The following NELL2 variants were observed in gnomAD, a reference collection of about 807,000 sequenced individuals.
The protein encoded by NELL2 is protein kinase C-binding protein NELL2.
NELL2 carries 41 observed loss-of-function variants against 109.6 expected under a neutral mutation model. That is an observed-to-expected ratio of 0.37 (90% CI 0.29 to 0.49). The LOEUF (loss-of-function observed/expected upper bound fraction) is 0.49. Among genes scored for constraint, NELL2 ranks in the 20% least tolerant of loss-of-function variants. The probability of loss-of-function intolerance (pLI) is 0.98; values close to 1 mark genes in which losing one functional copy is unlikely to be tolerated. For synonymous variants in NELL2, 355 were observed against 344.7 expected, an observed-to-expected ratio of 1.03 and a Z score of -0.33; for missense variants, 900 against 1,008.3, an observed-to-expected ratio of 0.89 and a Z score of 1.45.
chr12:44,634,719 CT>C (rs1160162584), intron 13 of NELL2, among the ~76,000 whole-genome samples: 2 of 152,188 alleles, frequency 1.3e-5, no homozygotes, highest in Non-Finnish European at 2.9e-5. Context: ...AATAGTATTT[CT>C]GGTTCTAGAT....
chr12:44,551,215 A>C (rs1413403992), intron 15 of NELL2, among the ~76,000 whole-genome samples: 1 of 152,140 alleles, frequency 6.6e-6, no homozygotes, highest in East Asian at 1.9e-4. Flanking sequence ...TATTCCCCTA[A>C]TTCAATACTA....
intron 12 of NELL2, among the ~76,000 whole-genome samples, chr12:44,667,791 A>T (rs1947977166): frequency 6.6e-6 from 1 of 152,162 alleles, no homozygotes; most frequent in Non-Finnish European, 1.5e-5. Context: ...AGCCAGGAGG[A>T]ACTATCTATT....
intron 15 of NELL2, among the ~76,000 whole-genome samples, chr12:44,560,590 T>C (rs917809121): frequency 2.6e-5 from 4 of 152,072 alleles, no homozygotes; most frequent in Non-Finnish European, 5.9e-5. Flanking sequence ...AAGAAATGGA[T>C]AAATTCCTGC....
At chr12:44,636,424 A>C (rs1016368991) in intron 13 of NELL2, among the ~76,000 whole-genome samples, 3 of 152,198 alleles carry the variant, frequency 2.0e-5, no homozygotes, top group Admixed American at 6.5e-5. Flanking sequence ...TGAGTCTGTC[A>C]TAAATAGCTC....
chr12:44,808,140 G>A (rs1943064819), intron 3 of NELL2, among the ~76,000 whole-genome samples: 1 of 152,072 alleles, frequency 6.6e-6, no homozygotes, highest in Non-Finnish European at 1.5e-5. Context: ...TGCGGCAGCA[G>A]CAGTCAACTG....
At chr12:44,581,995 A>G (rs1489306905) in intron 15 of NELL2, among the ~76,000 whole-genome samples, 1 of 152,186 alleles carries the variant, frequency 6.6e-6, no homozygotes. Flanking sequence ...AGGGATGTGG[A>G]AAAGGAATTA....
chr12:44,613,609 A>G (rs1029766594), intron 13 of NELL2, among the ~76,000 whole-genome samples: 2 of 152,234 alleles, frequency 1.3e-5, no homozygotes, highest in East Asian at 3.9e-4. Flanking sequence ...CCTTTACACT[A>G]TCACTTTAAA....
chr12:44,722,152 G>A (rs1202147316), intron 9 of NELL2, among the ~76,000 whole-genome samples: 4 of 151,970 alleles, frequency 2.6e-5, no homozygotes, highest in African/African-American at 7.2e-5. Flanking sequence ...CATGGGGCAA[G>A]AATGGTAACA....
At chr12:44,649,261 G>A (rs993177238) in intron 13 of NELL2, among the ~76,000 whole-genome samples, 3 of 150,938 alleles carry the variant, frequency 2.0e-5, no homozygotes, top group Admixed American at 6.6e-5. Context: ...GCCTGCCTTG[G>A]TAATCCAGCG....
chr12:44,523,422 C>T lies in NELL2; in HGVS notation c.1867G>A (p.Asp623Asn), dbSNP rs1388537701. The change falls in exon 17 of 20, where the codon GAT (aspartate) becomes AAT (asparagine). Residue 623 changes from aspartate (D) to asparagine (N), a missense_variant. Transcript: ENST00000429094. Reference sequence around the variant, plus strand: ...GGACATCGACAATCATATCCGCCATCCAAATTGAAGCAAATGGTATCATTG... The same window carrying T: ...GGACATCGACAATCATATCCGCCATTCAAATTGAAGCAAATGGTATCATTG... ...CANDTICFNLDGGYDCRCPHG... is the reference protein window; with the variant it reads ...CANDTICFNLNGGYDCRCPHG... The T allele has an allele frequency of 6.2e-7, 1 of 1,614,006 alleles. No homozygotes were observed. Among genetic ancestry groups the T allele is most frequent in the African/African-American group, 1.3e-5 (1 of 74,906 alleles).
At chr12:44,614,786 C>T (rs1158295083) in intron 13 of NELL2, among the ~76,000 whole-genome samples, 1 of 151,998 alleles carries the variant, frequency 6.6e-6, no homozygotes, top group Admixed American at 6.6e-5. Flanking sequence ...TACCTAGAAA[C>T]AAACCAGCTG....
At chr12:44,915,360 GCTTT>G (rs1286186739), upstream of NELL2, among the ~76,000 whole-genome samples, 1 of 152,046 alleles carries the variant, frequency 6.6e-6, no homozygotes, top group Non-Finnish European at 1.5e-5. Flanking sequence ...ATTTTTCATT[GCTTT>G]CTAATTGAAT....
intron 15 of NELL2, among the ~76,000 whole-genome samples, chr12:44,586,255 G>A (rs1944496064): frequency 6.8e-6 from 1 of 148,090 alleles, no homozygotes; most frequent in Non-Finnish European, 1.5e-5. Flanking sequence ...TAGTGAGTGG[G>A]GATAGAAGCA....
intron 12 of NELL2, among the ~76,000 whole-genome samples, chr12:44,668,805 C>T (rs939383341): frequency 6.6e-6 from 1 of 152,112 alleles, no homozygotes; most frequent in Non-Finnish European, 1.5e-5. Context: ...GGCTCAGAGA[C>T]CTGAGGGTTG....
At chr12:44,748,204 G>T (rs2136520104) in intron 9 of NELL2, among the ~76,000 whole-genome samples, 1 of 152,202 alleles carries the variant, frequency 6.6e-6, no homozygotes, top group South Asian at 2.1e-4. Flanking sequence ...TCTAATTTAA[G>T]AATATAAATA....
chr12:44,814,190 G>A (rs943657842), intron 3 of NELL2, among the ~76,000 whole-genome samples: 3 of 152,110 alleles, frequency 2.0e-5, no homozygotes, highest in African/African-American at 4.8e-5. Context: ...ACAGAGACAG[G>A]AGCAGTAAGA....
chr12:44,883,181 A>G (rs1432939022), intron 1 of NELL2, among the ~76,000 whole-genome samples: 1 of 151,870 alleles, frequency 6.6e-6, no homozygotes, highest in African/African-American at 2.4e-5. Context: ...TCCAAAGGCC[A>G]TAAGCCTGAC....
In NELL2 at chr12:44,508,881, C is replaced by G; in HGVS notation, c.*53G>C. 6.6e-7 allele frequency: 1 copy of G among 1,510,952 alleles called. No individual in the cohort carries two copies. The highest frequency in any genetic ancestry group is 9.1e-7 in the Non-Finnish European group (1 of 1,100,730). 93.6% of individuals were successfully genotyped at this position (1,510,952 alleles called of 1,614,324 possible). On this transcript the variant is annotated 3_prime_UTR_variant, in exon 20 of 20. Transcript: ENST00000429094. ...ATTTAAGTTTTAACTTCTTTTTGGT[C>G]TTTTAATGAAAGAACATTCTTTTAA...
intron 12 of NELL2, among the ~76,000 whole-genome samples, chr12:44,685,880 G>A (rs1012871115): frequency 2.0e-5 from 3 of 151,996 alleles, no homozygotes; most frequent in Non-Finnish European, 4.4e-5. Context: ...TGGTGAATCC[G>A]ACAATTATGT....
Sources: allele counts gnomAD v4.1 joint callset (sites outside exome capture counted in the v4.1 genomes callset), GRCh38; gene constraint gnomAD v4.1.1; transcripts MANE v1.5; gene names NCBI Gene and HGNC (gene_info 2026-07-23, HGNC 2026-07-21).